Variants in RGS7 observed in about 807,000 individuals in gnomAD.
RGS7 encodes the protein regulator of G-protein signaling 7.
Under a neutral mutation model 81.1 loss-of-function variants are expected in RGS7, and 27 were observed. The ratio of observed to expected loss-of-function variants is 0.33; its 90% CI spans 0.25 to 0.46. RGS7 has a LOEUF of 0.46. RGS7 is among the 20% of genes least tolerant of loss of function. The pLI, the probability that RGS7 is intolerant of heterozygous loss-of-function variation, is 1.00. For synonymous variants in RGS7, 208 were observed against 207.7 expected, an observed-to-expected ratio of 1.00 and a Z score of -0.01; for missense variants, 396 against 607.4, an observed-to-expected ratio of 0.65 and a Z score of 3.66.
chr1:240,828,210 C>T (rs2147801558), intron 9 of RGS7, among the ~76,000 whole-genome samples: 1 of 152,230 alleles, frequency 6.6e-6, no homozygotes, highest in Non-Finnish European at 1.5e-5. Flanking sequence ...TCCTGACAAC[C>T]TCAGGTGTCT....
chr1:240,936,161 C>T (rs1676599222), intron 5 of RGS7, among the ~76,000 whole-genome samples: 1 of 152,152 alleles, frequency 6.6e-6, no homozygotes, highest in African/African-American at 2.4e-5. Context: ...TCAGTCTTTA[C>T]AGATTTGTAG....
intron 2 of RGS7, among the ~76,000 whole-genome samples, chr1:241,268,385 G>A (rs1263863867): frequency 1.3e-5 from 2 of 152,156 alleles, no homozygotes; most frequent in Non-Finnish European, 2.9e-5. Flanking sequence ...ATCGTAGGAC[G>A]TTTAGCAGAT....
intron 3 of RGS7, among the ~76,000 whole-genome samples, chr1:240,993,844 T>G (rs917005259): frequency 3.3e-5 from 5 of 152,196 alleles, no homozygotes; most frequent in African/African-American, 7.2e-5. Flanking sequence ...CATTTTGTAT[T>G]AGTGTTTGTA....
chr1:241,291,947 T>C (rs1022777146), intron 2 of RGS7, among the ~76,000 whole-genome samples: 4 of 152,170 alleles, frequency 2.6e-5, no homozygotes, highest in Non-Finnish European at 5.9e-5. Context: ...AGCCAGAAAC[T>C]GTGTCATGGC....
At chr1:241,137,996 C>T (rs1291520579) in intron 2 of RGS7, among the ~76,000 whole-genome samples, 4 of 152,004 alleles carry the variant, frequency 2.6e-5, no homozygotes, top group Non-Finnish European at 5.9e-5. Context: ...CATGGTGAAA[C>T]CCCATCTCTA....
chr1:241,276,943 T>C (rs1355198949), intron 2 of RGS7, among the ~76,000 whole-genome samples: 1 of 152,188 alleles, frequency 6.6e-6, no homozygotes, highest in Non-Finnish European at 1.5e-5. Context: ...AAAAAATGGA[T>C]TGATTGATTC....
intron 3 of RGS7, among the ~76,000 whole-genome samples, chr1:241,013,688 C>T (rs1036073403): frequency 1.3e-5 from 2 of 152,160 alleles, no homozygotes; most frequent in African/African-American, 4.8e-5. Flanking sequence ...AAAATTAGCT[C>T]AGCAAATATG....
At chr1:241,255,935 T>C (rs1335240516) in intron 2 of RGS7, among the ~76,000 whole-genome samples, 1 of 152,152 alleles carries the variant, frequency 6.6e-6, no homozygotes, top group East Asian at 1.9e-4. Context: ...AATCTATGTT[T>C]CCGGAAATTT....
At chr1:241,158,384 A>T (rs2069354436) in intron 2 of RGS7, among the ~76,000 whole-genome samples, 1 of 152,306 alleles carries the variant, frequency 6.6e-6, no homozygotes, top group East Asian at 1.9e-4. Flanking sequence ...TTACCTGTAC[A>T]TGTCTGTAAG....
rs75056299 is a variant in RGS7 at position 240,860,445 on chromosome 1, A to G, written c.609+8142T>C. On this transcript the variant is annotated intron_variant, in intron 9 of 18. Transcript: ENST00000440928. ...TTTATGAAGAATTGATCTTTTTATC[A>G]TTATGTAATATTCCTCTTTATCTCT... Among the ~76,000 whole-genome samples, 61 of 152,244 alleles carry G rather than the reference A, an allele frequency of 4.0e-4. No individual in the cohort carries two copies. The East Asian group carries it at 0.01, about 26-fold the overall frequency.
intron 3 of RGS7, among the ~76,000 whole-genome samples, chr1:240,995,005 T>C (rs1572170785): frequency 6.6e-6 from 1 of 152,250 alleles, no homozygotes; most frequent in East Asian, 1.9e-4. Context: ...CTTTATCAAG[T>C]TGAGGAATTT....
chr1:241,179,459 T>C (rs2071421877), intron 2 of RGS7, among the ~76,000 whole-genome samples: 2 of 152,156 alleles, frequency 1.3e-5, no homozygotes, highest in Admixed American at 1.3e-4. Context: ...AGATTAGCCC[T>C]CCCATTGGAC....
At chr1:241,094,335 G>C (rs1446068495) in intron 3 of RGS7, among the ~76,000 whole-genome samples, 1 of 152,018 alleles carries the variant, frequency 6.6e-6, no homozygotes, top group Non-Finnish European at 1.5e-5. Context: ...CCAGGGGAGA[G>C]AGCTGTTAGT....
intron 2 of RGS7, among the ~76,000 whole-genome samples, chr1:241,281,598 C>A (rs893670690): frequency 2.6e-5 from 4 of 152,194 alleles, no homozygotes; most frequent in African/African-American, 9.7e-5. Flanking sequence ...TAGATTGAGG[C>A]CTGCAGCTGC....
chr1:241,186,015 C>T (rs1157907728), intron 2 of RGS7, among the ~76,000 whole-genome samples: 3 of 151,896 alleles, frequency 2.0e-5, no homozygotes, highest in Non-Finnish European at 4.4e-5. Context: ...CAAACAAAAC[C>T]AACGGGAAAA....
intron 3 of RGS7, among the ~76,000 whole-genome samples, chr1:241,018,189 G>A (rs1404297858): frequency 7.1e-6 from 1 of 140,262 alleles, no homozygotes; most frequent in South Asian, 2.3e-4. Flanking sequence ...TTTATCACGT[G>A]GCCAGGCTGG....
intron 9 of RGS7, among the ~76,000 whole-genome samples, chr1:240,848,123 C>A (rs1321049058): frequency 6.6e-6 from 1 of 152,012 alleles, no homozygotes; most frequent in Non-Finnish European, 1.5e-5. Context: ...CAGAAATATA[C>A]AGTAGATTTT....
chr1:241,010,036 G>A (rs1348196136), intron 3 of RGS7, among the ~76,000 whole-genome samples: 5 of 152,124 alleles, frequency 3.3e-5, no homozygotes, highest in African/African-American at 7.2e-5. Flanking sequence ...GCCTGTCAGC[G>A]GGTGTGGGGC....
chr1:240,933,167 C>CCCAGGTAA (rs1332407381), intron 5 of RGS7, among the ~76,000 whole-genome samples: 2 of 151,746 alleles, frequency 1.3e-5, no homozygotes, highest in Non-Finnish European at 2.9e-5. Context: ...CAGGTGTGAG[C>CCCAGGTAA]CACCGCGCCC....
Sources: allele counts gnomAD v4.1 joint callset (sites outside exome capture counted in the v4.1 genomes callset), GRCh38; gene constraint gnomAD v4.1.1; transcripts MANE v1.5; gene names NCBI Gene and HGNC (gene_info 2026-07-23, HGNC 2026-07-21).